The following CACNA1B variants were observed in gnomAD, a reference collection of about 807,000 sequenced individuals.
The protein encoded by CACNA1B is voltage-dependent N-type calcium channel subunit alpha-1B.
CACNA1B carries 70 observed loss-of-function variants against 247.2 expected under a neutral mutation model. The ratio of observed to expected loss-of-function variants is 0.28; its 90% CI spans 0.23 to 0.35. The LOEUF is 0.35. Among genes scored for constraint, CACNA1B ranks in the 10% least tolerant of loss-of-function variants. CACNA1B has a pLI of 1.00. For missense variants in CACNA1B, 2,367 were observed against 3,197.4 expected (o/e 0.74, Z 6.26); for synonymous variants, 1,231 against 1,294.4 (o/e 0.95, Z 1.05).
At chr9:138,047,156 CTCTG>C (rs999476920) in intron 22 of CACNA1B, 123 bp downstream of exon 22, 3 of 955,114 alleles carry the variant, frequency 3.1e-6, no homozygotes, top group South Asian at 1.7e-5. Flanking sequence ...CCCCTCCTTC[CTCTG>C]TCTGTGTGCC....
intron 15 of CACNA1B, among the ~76,000 whole-genome samples, chr9:137,994,049 A>C (rs1039014315): frequency 5.9e-5 from 9 of 152,226 alleles, no homozygotes; most frequent in Non-Finnish European, 1.0e-4. Flanking sequence ...TAACATATGC[A>C]AGTCAATAAA....
intron 15 of CACNA1B, among the ~76,000 whole-genome samples, chr9:137,995,962 A>G (rs1422241697): frequency 6.6e-6 from 1 of 152,244 alleles, no homozygotes; most frequent in Non-Finnish European, 1.5e-5. Flanking sequence ...ACAGTGTGAT[A>G]CCACCTCACT....
chr9:137,984,153 G>A lies in CACNA1B; in HGVS notation c.1672G>A (p.Val558Ile), dbSNP rs199883860. The A allele has an allele frequency of 8.8e-6, 14 of 1,598,988 alleles. 1 individual carries two copies. The highest frequency in any genetic ancestry group is 2.3e-5 in the South Asian group (2 of 87,888). The change falls in exon 13 of 47, where the codon GTC becomes ATC. Residue 558 changes from valine (V) to isoleucine (I), a missense_variant. Around this residue, in one of 12 missense-constraint regions of CACNA1B, gnomAD observed 219 missense variants for 297.6 expected, o/e 0.74. Transcript: ENST00000371372. ...CFDFGVIVGSVFEVVWAAIKP... is the reference protein window; with the variant it reads ...CFDFGVIVGSIFEVVWAAIKP... Reference sequence around the variant, plus strand: ...CCCGTTGCAGGTCATCGTGGGGAGCGTCTTTGAAGTGGTCTGGGCGGCCAT... The same window carrying A: ...CCCGTTGCAGGTCATCGTGGGGAGCATCTTTGAAGTGGTCTGGGCGGCCAT...
At chr9:137,956,537 A>G (rs1957950584) in intron 8 of CACNA1B, among the ~76,000 whole-genome samples, 1 of 152,108 alleles carries the variant, frequency 6.6e-6, no homozygotes, top group African/African-American at 2.4e-5. Flanking sequence ...ACGTCCCTGT[A>G]ATCCCAGTGG....
At chr9:138,028,219 C>T (rs531967336) in intron 20 of CACNA1B, among the ~76,000 whole-genome samples, 154 of 151,916 alleles carry the variant, frequency 1.0e-3, no homozygotes, top group Non-Finnish European at 1.4e-3. Context: ...GATAGGGTTT[C>T]GCCGTGTTGG....
At chr9:137,987,586 G>A (rs948973576) in intron 15 of CACNA1B, among the ~76,000 whole-genome samples, 7 of 152,196 alleles carry the variant, frequency 4.6e-5, no homozygotes, top group Non-Finnish European at 7.3e-5. Flanking sequence ...GGCTGTGTTT[G>A]CTGCAGGCCA....
chr9:138,062,944 G>T (rs943651677), intron 31 of CACNA1B, among the ~76,000 whole-genome samples: 1 of 152,256 alleles, frequency 6.6e-6, no homozygotes, highest in African/African-American at 2.4e-5. Context: ...AGTGTGAGGT[G>T]CAATCACTAA....
chr9:138,039,441 G>C (rs1959089449), intron 20 of CACNA1B, among the ~76,000 whole-genome samples: 1 of 152,110 alleles, frequency 6.6e-6, no homozygotes, highest in Admixed American at 6.5e-5. Context: ...AGTTTCGTCT[G>C]TTGGTTCTGT....
At position 138,059,639 on chromosome 9, in the gene CACNA1B, C is replaced by G; in HGVS notation, c.4585-15C>G. 6.5e-7 allele frequency: 1 copy of G among 1,548,596 alleles called. No homozygotes were observed. Among genetic ancestry groups the G allele is most frequent in the Non-Finnish European group, 8.9e-7 (1 of 1,120,394 alleles). ...TCATCAGCCGCTGGCACTAACTGCT[C>G]TTCTTTTTCTCTAGAACTATTTCAG... On this transcript the variant is annotated splice_polypyrimidine_tract_variant and intron_variant, in intron 30 of 46. Coordinates refer to ENST00000371372, the MANE Select transcript of CACNA1B (RefSeq NM_000718.4). This position sits in a 1 kb window ranked among gnomAD's most constrained non-coding sequence, Gnocchi z 4.2.
chr9:137,964,397 C>G (rs1053808060), intron 10 of CACNA1B, among the ~76,000 whole-genome samples: 1 of 152,176 alleles, frequency 6.6e-6, no homozygotes, highest in African/African-American at 2.4e-5. Context: ...TCTTTCCACT[C>G]TTTTTTCTCT....
At chr9:138,026,697 A>G (rs1958924503) in intron 20 of CACNA1B, among the ~76,000 whole-genome samples, 1 of 152,196 alleles carries the variant, frequency 6.6e-6, no homozygotes. Context: ...TGTTGCTTCC[A>G]ATTTTTGGCA....
chr9:137,929,892 G>A (rs1208106739), intron 6 of CACNA1B, among the ~76,000 whole-genome samples: 2 of 152,100 alleles, frequency 1.3e-5, no homozygotes, highest in Non-Finnish European at 2.9e-5. Context: ...GGGCTCAGGC[G>A]ATTCTCCCTC....
intron 6 of CACNA1B, among the ~76,000 whole-genome samples, chr9:137,946,447 G>C (rs1467687021): frequency 2.6e-5 from 4 of 152,180 alleles, no homozygotes; most frequent in African/African-American, 4.8e-5. Context: ...GGATCAGGGA[G>C]TATAACCAGG....
chr9:138,097,732 G>A (rs1161443724), intron 37 of CACNA1B, among the ~76,000 whole-genome samples: 1 of 152,170 alleles, frequency 6.6e-6, no homozygotes, highest in Non-Finnish European at 1.5e-5. Flanking sequence ...TGCCCCCAGT[G>A]CCCTTACTGG....
chr9:137,934,422 G>A (rs540097008), intron 6 of CACNA1B, among the ~76,000 whole-genome samples: 3 of 152,290 alleles, frequency 2.0e-5, no homozygotes, highest in South Asian at 2.1e-4. Flanking sequence ...CATGGCAGAC[G>A]GGAGGCAGGA....
Position 138,054,046 on chromosome 9 carries a change from A to G in CACNA1B, c.3968+40A>G, listed in dbSNP as rs1414072828. ...GGTGCAAGGTGGGACACACAGCCCC[A>G]TGATGCAGACAACACTGGGAGTTCC... On this transcript the variant is annotated intron_variant, in intron 26 of 46. Transcript: ENST00000371372. The surrounding 1 kb of genome is among the most constrained non-coding windows in gnomAD (Gnocchi z 4.6). 6.3e-7 allele frequency: 1 copy of G among 1,594,772 alleles called. No homozygotes were observed. Among genetic ancestry groups the G allele is most frequent in the East Asian group, 2.2e-5 (1 of 44,786 alleles).
chr9:138,113,732 C>A (rs1025444929), intron 40 of CACNA1B, among the ~76,000 whole-genome samples: 3 of 95,848 alleles, frequency 3.1e-5, no homozygotes, highest in African/African-American at 4.3e-5. Flanking sequence ...GAGGGAGTGC[C>A]GGGAGGTGCC....
At position 137,955,348 on chromosome 9, in the gene CACNA1B, C is replaced by T. The variant is rs1564206389; in HGVS notation, c.1071-350C>T. 6.6e-6 allele frequency among the ~76,000 whole-genome samples: 1 copy of T among 152,218 alleles called. No homozygotes were observed. The highest frequency in any genetic ancestry group is 1.5e-5 in the Non-Finnish European group (1 of 68,030). Reference sequence around the variant, plus strand: ...CTGGCACAAGGGGAGGGAGGAGGCGCATGCCTAGGTTGCTGTAGGCAGGGG... The same window carrying T: ...CTGGCACAAGGGGAGGGAGGAGGCGTATGCCTAGGTTGCTGTAGGCAGGGG... On this transcript the variant is annotated intron_variant, in intron 7 of 46. Transcript: ENST00000371372. The surrounding 1 kb of genome is among the most constrained non-coding windows in gnomAD (Gnocchi z 6.9).
At chr9:137,912,386 CTTGACCGTTAGAA>C (rs1957368506) in intron 3 of CACNA1B, among the ~76,000 whole-genome samples, 2 of 152,180 alleles carry the variant, frequency 1.3e-5, no homozygotes, top group Non-Finnish European at 2.9e-5. Context: ...TTAAAGGAGA[CTTGACCGTTAGAA>C]TTGGCAAGAG....
Sources: gnomAD v4.1 joint callset for allele counts (sites outside exome capture counted in the v4.1 genomes callset) on GRCh38, gnomAD v4.1.1 for gene constraint, gnomAD v4.1.1 regional missense constraint, Gnocchi (gnomAD v3.1) non-coding constraint, MANE v1.5 for transcripts, NCBI Gene and HGNC (gene_info 2026-07-23, HGNC 2026-07-21) for gene names.